CFAP92: variants seen among roughly 807,000 people sequenced by gnomAD.
The protein encoded by CFAP92 is cilia and flagella associated protein 92 (putative), also known as uncharacterized protein CFAP92.
A neutral mutation model predicts 106.3 loss-of-function variants in CFAP92; 86 were observed. That is an observed-to-expected ratio of 0.81 (90% CI 0.68 to 0.97). The LOEUF is 0.97. Among genes scored for constraint, CFAP92 ranks in the 50% least tolerant of loss-of-function variants. CFAP92 has a pLI of 0.00. For missense variants in CFAP92, 1,204 were observed against 1,283.8 expected (o/e 0.94, Z 0.95); for synonymous variants, 477 against 506.4 (o/e 0.94, Z 0.78).
At chr3:129,010,877 G>C in the CFAP92 span, among the ~76,000 whole-genome samples, 1 of 152,222 alleles carries the variant, frequency 6.6e-6, no homozygotes. This position sits in a 1 kb window ranked among gnomAD's most constrained non-coding sequence, Gnocchi z 4.3. Flanking sequence ...AGGCCCTCAG[G>C]ATGCACAGGG....
chr3:128,933,084 A>C, intron 11 of CFAP92, 87 bp from the exon 12 acceptor site: 1 of 1,240,878 alleles, frequency 8.1e-7, no homozygotes, highest in Admixed American at 2.0e-5. Context: ...GGAAATGAAC[A>C]CTCAGAGGCT....
chr3:129,002,182 C>G, intron 1 of CFAP92: 2 of 1,491,336 alleles, frequency 1.3e-6, no homozygotes, highest in South Asian at 1.3e-5. Flanking sequence ...CGCCGCCGCC[C>G]GCCCTGCGCG....
intron 8 of CFAP92, 188 bp downstream of exon 8, chr3:128,971,099 G>A (rs1424567217): frequency 6.3e-6 from 5 of 789,658 alleles, no homozygotes; most frequent in Admixed American, 2.9e-5. Context: ...TCTCAGGCAA[G>A]GTAGCTACCC....
chr3:128,994,099 G>C (rs1403723240), upstream of CFAP92: 3 of 985,716 alleles, frequency 3.0e-6, no homozygotes, highest in Non-Finnish European at 3.6e-6. Context: ...CGCCGGTGCA[G>C]GGAGGGCCGC....
chr3:128,912,581 G>A (rs768862099), intron 15 of CFAP92: 1 of 1,614,040 alleles, frequency 6.2e-7, no homozygotes, highest in African/African-American at 1.3e-5. Flanking sequence ...CTATATCTGT[G>A]CCCACCCTCT....
intron 15 of CFAP92, chr3:128,912,404 A>C (rs936749635): frequency 3.0e-6 from 3 of 995,982 alleles, no homozygotes; most frequent in Admixed American, 3.9e-5. Context: ...GGGCTGCTTC[A>C]TGGTGGGTGG....
intron 6 of CFAP92, among the ~76,000 whole-genome samples, chr3:128,976,688 T>C (rs1045503570): frequency 1.3e-5 from 2 of 152,242 alleles, no homozygotes; most frequent in Non-Finnish European, 2.9e-5. Context: ...TTTATCACTT[T>C]GTGTAAACCA....
At chr3:128,981,896 G>A (rs746314656) in intron 4 of CFAP92, among the ~76,000 whole-genome samples, 1 of 152,168 alleles carries the variant, frequency 6.6e-6, no homozygotes, top group African/African-American at 2.4e-5. Context: ...TCAACAGTTG[G>A]CTTTAAATAT....
rs532866750 is a variant in CFAP92 at position 128,965,386 on chromosome 3, C to T, written c.1353+125G>A. ...AAGCCTGTTTGGTAGTCTCTTCACA[C>T]GGACCCGTATGAGAATGACCACATT... On this transcript the variant is annotated intron_variant, in intron 9 of 15. Transcript: ENST00000645291. 6.0e-5 allele frequency: 24 copies of T among 396,854 alleles called. No homozygotes were observed. In the East Asian group the frequency reaches 7.5e-4, roughly 12 times the overall value. 24.6% of individuals were successfully genotyped at this position (396,854 alleles called of 1,614,324 possible). A position where few individuals can be genotyped will look rare whatever the true frequency, so the allele number is the denominator to read the frequency against.
the CFAP92 span, among the ~76,000 whole-genome samples, chr3:129,023,695 A>G: frequency 6.6e-6 from 1 of 152,210 alleles, no homozygotes; most frequent in Non-Finnish European, 1.5e-5. Context: ...GGTTTTCATT[A>G]TTGGTTATAA....
intron 9 of CFAP92, among the ~76,000 whole-genome samples, chr3:128,961,990 G>C (rs1296259032): frequency 1.3e-5 from 2 of 152,180 alleles, no homozygotes; most frequent in East Asian, 3.9e-4. Flanking sequence ...ACAAGTGCCA[G>C]AAATCTGACC....
At chr3:128,940,901 T>C (rs1433155408) in intron 10 of CFAP92, among the ~76,000 whole-genome samples, 1 of 152,188 alleles carries the variant, frequency 6.6e-6, no homozygotes, top group Non-Finnish European at 1.5e-5. Flanking sequence ...TATGAACCTT[T>C]ATTAACATGC....
chr3:129,001,875 T>A (rs2107844604), intron 1 of CFAP92: 1 of 1,545,200 alleles, frequency 6.5e-7, no homozygotes, highest in Non-Finnish European at 8.7e-7. Context: ...CCGAGCGCTC[T>A]GCGCTGTGCT....
In CFAP92 at chr3:128,932,857, A is replaced by T. The variant is rs112416005; in HGVS notation, c.2594T>A (p.Leu865Gln). 6.5e-7 allele frequency: 1 copy of T among 1,536,082 alleles called. No individual in the cohort carries two copies. Among genetic ancestry groups the T allele is most frequent in the Admixed American group, 2.0e-5 (1 of 50,980 alleles). ...GGCAGGCTGAGGTGGTAGGGCAAAC[A>T]GTTTCTCATCTGTGAGTTCTTCTTG... Reference protein sequence around the residue: ...LSQEELTDEKLFALPPQPAPN... With the variant: ...LSQEELTDEKQFALPPQPAPN... The change falls in exon 12 of 16, where the codon CTG becomes CAG. Residue 865 changes from leucine to glutamine, a missense_variant. Coordinates refer to ENST00000645291, the MANE Select transcript of CFAP92 (RefSeq NM_001394090.1).
chr3:129,009,878 C>T, the CFAP92 span, among the ~76,000 whole-genome samples: 5 of 152,316 alleles, frequency 3.3e-5, no homozygotes, highest in East Asian at 9.6e-4. Flanking sequence ...ACTCTGTAAC[C>T]TCGCCAACCT....
intron 9 of CFAP92, among the ~76,000 whole-genome samples, chr3:128,948,515 T>C (rs1015754169): frequency 1.2e-4 from 17 of 147,130 alleles, no homozygotes; most frequent in Admixed American, 9.0e-4. Flanking sequence ...TGAGCCACCG[T>C]GCCCATCCCG....
chr3:128,958,544 C>CT (rs1258417021), intron 9 of CFAP92, among the ~76,000 whole-genome samples: 1 of 152,182 alleles, frequency 6.6e-6, no homozygotes, highest in Non-Finnish European at 1.5e-5. Context: ...TTCCGTGAAT[C>CT]TATATTTTAA....
intron 12 of CFAP92, among the ~76,000 whole-genome samples, chr3:128,927,981 G>A (rs973655843): frequency 7.2e-5 from 11 of 152,072 alleles, no homozygotes; most frequent in African/African-American, 9.7e-5. Flanking sequence ...CGCCAGGTGC[G>A]GTGGCTCAAG....
At chr3:128,923,295 G>A (rs771093869) in intron 12 of CFAP92, among the ~76,000 whole-genome samples, 4 of 152,184 alleles carry the variant, frequency 2.6e-5, no homozygotes, top group Non-Finnish European at 5.9e-5. Flanking sequence ...AATGAGGACC[G>A]ACTGGAGTCA....
Sources: gnomAD v4.1 joint callset for allele counts (sites outside exome capture counted in the v4.1 genomes callset) on GRCh38, gnomAD v4.1.1 for gene constraint, Gnocchi (gnomAD v3.1) non-coding constraint, MANE v1.5 for transcripts, NCBI Gene and HGNC (gene_info 2026-07-23, HGNC 2026-07-21) for gene names.